IL1RAPL2: variants seen among roughly 807,000 people sequenced by gnomAD.
IL1RAPL2 encodes interleukin 1 receptor accessory protein like 2, also known as X-linked interleukin-1 receptor accessory protein-like 2.
IL1RAPL2 carries 3 observed loss-of-function variants against 44.1 expected under a neutral mutation model. That is an observed-to-expected ratio of 0.07 (90% CI 0.03 to 0.18). The LOEUF (loss-of-function observed/expected upper bound fraction) is 0.18. IL1RAPL2 is among the 10% of genes least tolerant of loss of function. The probability of loss-of-function intolerance (pLI) is 1.00; values close to 1 mark genes in which losing one functional copy is unlikely to be tolerated. For missense variants in IL1RAPL2, 391 were observed against 496.4 expected, an observed-to-expected ratio of 0.79 and a Z score of 2.02; for synonymous variants, 181 against 178.8, an observed-to-expected ratio of 1.01 and a Z score of -0.10.
intron 2 of IL1RAPL2, among the ~76,000 whole-genome samples, chrX:104,697,874 T>G (rs906320960): frequency 1.3e-4 from 15 of 112,960 alleles, no homozygotes; most frequent in South Asian, 7.3e-4. Flanking sequence ...TATTTGTTAT[T>G]CCACAGATTT....
intron 3 of IL1RAPL2, chrX:105,219,098 G>A: frequency 8.3e-7 from 1 of 1,211,181 alleles, no homozygotes; most frequent in Non-Finnish European, 1.1e-6. Flanking sequence ...TGCTGATGAG[G>A]TTCGGAGTAT....
intron 5 of IL1RAPL2, among the ~76,000 whole-genome samples, chrX:105,268,777 A>G (rs2034424355): frequency 1.1e-5 from 1 of 93,537 alleles, no homozygotes; most frequent in African/African-American, 4.0e-5. Flanking sequence ...CAAAAATGAA[A>G]AATAAATATA....
chrX:104,718,499 C>T (rs1931619853), intron 2 of IL1RAPL2, among the ~76,000 whole-genome samples: 1 of 110,460 alleles, frequency 9.1e-6, no homozygotes, highest in Admixed American at 9.6e-5. Context: ...CCATGTTGTT[C>T]TCATGATAGT....
At chrX:105,012,211 G>T (rs1172030636) in intron 2 of IL1RAPL2, among the ~76,000 whole-genome samples, 2 of 111,096 alleles carry the variant, frequency 1.8e-5, no homozygotes, top group African/African-American at 6.5e-5. Flanking sequence ...TTAATACAGG[G>T]TATAAATAAT....
intron 5 of IL1RAPL2, among the ~76,000 whole-genome samples, chrX:105,312,150 C>A (rs1010366345): frequency 1.3e-4 from 15 of 111,208 alleles, no homozygotes; most frequent in Admixed American, 5.8e-4. Flanking sequence ...AGCAGTATTT[C>A]AGGTTAGGAT....
At chrX:105,212,480 ACC>A (rs1344402110) in intron 3 of IL1RAPL2, among the ~76,000 whole-genome samples, 2 of 110,380 alleles carry the variant, frequency 1.8e-5, no homozygotes, top group African/African-American at 6.6e-5. Flanking sequence ...TACAGACAAA[ACC>A]CCCATCTCCC....
chrX:105,245,965 C>A (rs1391235622), intron 4 of IL1RAPL2, among the ~76,000 whole-genome samples: 1 of 112,530 alleles, frequency 8.9e-6, no homozygotes, highest in African/African-American at 3.2e-5. Context: ...TCAGTACAAA[C>A]TTATTTGTAC....
chrX:105,210,709 G>A (rs1424543052), intron 3 of IL1RAPL2, among the ~76,000 whole-genome samples: 1 of 111,467 alleles, frequency 9.0e-6, no homozygotes, highest in African/African-American at 3.3e-5. Context: ...TTAATAACTA[G>A]TTAGGGAACT....
At chrX:105,333,018 T>C (rs1373225139) in intron 5 of IL1RAPL2, among the ~76,000 whole-genome samples, 1 of 111,445 alleles carries the variant, frequency 9.0e-6, no homozygotes, top group Non-Finnish European at 1.9e-5. Context: ...AAAAGTACCC[T>C]AAAATTTATA....
chrX:105,481,606 C>G, intron 5 of IL1RAPL2, among the ~76,000 whole-genome samples: 1 of 112,268 alleles, frequency 8.9e-6, no homozygotes, highest in Admixed American at 9.5e-5. Flanking sequence ...AATTGCTTCC[C>G]ACCTATCACA....
intron 6 of IL1RAPL2, among the ~76,000 whole-genome samples, chrX:105,604,212 C>T (rs2037275569): frequency 9.0e-6 from 1 of 110,654 alleles, no homozygotes. Context: ...ATATTAACAA[C>T]CTGAAAAGTT....
chrX:104,765,204 T>C (rs1454899557), intron 2 of IL1RAPL2, among the ~76,000 whole-genome samples: 3 of 111,727 alleles, frequency 2.7e-5, no homozygotes, highest in Non-Finnish European at 3.8e-5. Context: ...TTTTGTTTTT[T>C]ACTGGGAGAC....
intron 6 of IL1RAPL2, among the ~76,000 whole-genome samples, chrX:105,610,472 C>T (rs2037327703): frequency 9.0e-6 from 1 of 111,626 alleles, no homozygotes; most frequent in Admixed American, 9.5e-5. Context: ...CCCAGCACCT[C>T]CCCCATCCTT....
At chrX:104,867,313 A>G (rs1402156387) in intron 2 of IL1RAPL2, among the ~76,000 whole-genome samples, 1 of 110,912 alleles carries the variant, frequency 9.0e-6, no homozygotes, top group African/African-American at 3.3e-5. Context: ...TTGGGGAACT[A>G]AAAATGGTAT....
At chrX:105,188,108 T>G (rs61043449) in intron 2 of IL1RAPL2, among the ~76,000 whole-genome samples, 2,459 of 111,441 alleles carry the variant, frequency 0.022, 57 homozygotes, top group African/African-American at 0.076. Context: ...GGAACAGATT[T>G]GAGTAACTTC....
At chrX:105,219,301 G>T (rs1253042395) in intron 3 of IL1RAPL2, 2 of 1,210,242 alleles carry the variant, frequency 1.7e-6, no homozygotes, top group Non-Finnish European at 2.2e-6. Flanking sequence ...TGAGTATGAG[G>T]CAGGGAGCTG....
intron 4 of IL1RAPL2, among the ~76,000 whole-genome samples, chrX:105,256,948 C>A (rs1312512993): frequency 9.0e-6 from 1 of 110,940 alleles, no homozygotes. Context: ...TCCTTCAGTT[C>A]AGCTGTAATT....
Position 104,672,352 on chromosome X carries a change from T to C in IL1RAPL2, c.82+13357T>C, listed in dbSNP as rs751185591. ...ATGAGTGAGAATATGCGGTGTTTGG[T>C]TTTTTGTTCTTGTGATAGTTTACTG... On this transcript the variant is annotated intron_variant, in intron 2 of 10. Transcript: ENST00000372582. 2.7e-5 allele frequency among the ~76,000 whole-genome samples: 3 copies of C among 110,366 alleles called. No homozygotes were observed. The East Asian group carries it at 8.6e-4, about 32-fold the overall frequency.
intron 5 of IL1RAPL2, among the ~76,000 whole-genome samples, chrX:105,287,809 G>A (rs2034582514): frequency 1.8e-5 from 2 of 111,329 alleles, no homozygotes; most frequent in African/African-American, 3.3e-5. Context: ...TGACAGGTCC[G>A]GGTATGACAA....
Sources: gnomAD v4.1 joint callset for allele counts (sites outside exome capture counted in the v4.1 genomes callset) on GRCh38, gnomAD v4.1.1 for gene constraint, MANE v1.5 for transcripts, NCBI Gene and HGNC (gene_info 2026-07-23, HGNC 2026-07-21) for gene names.